Variants in LRRC28 observed in about 807,000 individuals in gnomAD.
The protein encoded by LRRC28 is leucine rich repeat containing 28.
LRRC28 carries 39 observed loss-of-function variants against 45.7 expected under a neutral mutation model. The ratio of observed to expected loss-of-function variants is 0.85; its 90% confidence interval spans 0.66 to 1.12. LRRC28 has a LOEUF of 1.12. Ranked by LOEUF, LRRC28 falls within the 50% of genes most tolerant of loss-of-function variation. LRRC28 has a pLI of 0.00. For synonymous variants in LRRC28, 206 were observed against 178.8 expected, an observed-to-expected ratio of 1.15 and a Z score of -1.22; for missense variants, 435 against 438.5, an observed-to-expected ratio of 0.99 and a Z score of 0.07.
chr15:99,362,573 A>C (rs1056415481), intron 8 of LRRC28, among the ~76,000 whole-genome samples: 2 of 152,216 alleles, frequency 1.3e-5, no homozygotes, highest in South Asian at 2.1e-4. Context: ...GCTTTTATTA[A>C]TGACAGCTTA....
intron 5 of LRRC28, among the ~76,000 whole-genome samples, chr15:99,333,186 T>G (rs1956212592): frequency 6.6e-6 from 1 of 152,170 alleles, no homozygotes; most frequent in Non-Finnish European, 1.5e-5. Context: ...AAGTCTTAAG[T>G]GATTTGATGT....
chr15:99,339,091 T>G (rs191660270), intron 6 of LRRC28, among the ~76,000 whole-genome samples: 2 of 135,716 alleles, frequency 1.5e-5, no homozygotes, highest in East Asian at 4.0e-4. Flanking sequence ...CTCTGTTAAC[T>G]AACTCAGAGA....
chr15:99,347,472 G>T (rs1371965087), intron 6 of LRRC28, among the ~76,000 whole-genome samples: 1 of 152,204 alleles, frequency 6.6e-6, no homozygotes, highest in Non-Finnish European at 1.5e-5. Flanking sequence ...CTCCCAAAGT[G>T]CTGGGATTAC....
At chr15:99,258,370 C>A in intron 2 of LRRC28, 2 of 1,209,702 alleles carry the variant, frequency 1.7e-6, no homozygotes, top group Non-Finnish European at 2.5e-6. Context: ...TTACCCTTGT[C>A]TTAAAAGAAA....
At chr15:99,285,382 C>G in intron 3 of LRRC28, 1 of 743,712 alleles carries the variant, frequency 1.3e-6, no homozygotes, top group Non-Finnish European at 2.5e-6. Flanking sequence ...CATCCACCTC[C>G]TCCGCAGTGG....
chr15:99,260,183 A>G (rs2081156099), intron 2 of LRRC28, among the ~76,000 whole-genome samples: 1 of 151,926 alleles, frequency 6.6e-6, no homozygotes, highest in African/African-American at 2.4e-5. Context: ...TTTTTAGTTG[A>G]TTTTTTTTAA....
chr15:99,335,458 G>A (rs1956290947), intron 6 of LRRC28, among the ~76,000 whole-genome samples: 1 of 152,186 alleles, frequency 6.6e-6, no homozygotes, highest in South Asian at 2.1e-4. Context: ...TCTCAAATGA[G>A]AAGATACAAC....
At chr15:99,373,247 C>G (rs1957534355) in intron 9 of LRRC28, among the ~76,000 whole-genome samples, 1 of 151,980 alleles carries the variant, frequency 6.6e-6, no homozygotes, top group African/African-American at 2.4e-5. Context: ...TCAGCGAATC[C>G]CCCAAAATGC....
chr15:99,341,382 G>A lies in LRRC28; in HGVS notation c.592+7253G>A, dbSNP rs955337275. Among the ~76,000 whole-genome samples the A allele has an allele frequency of 7.9e-5, 12 of 152,188 alleles. 1 individual carries two copies. In the South Asian group the frequency reaches 1.5e-3, roughly 18 times the overall value. ...GCTGGGATTACAGGCGTGAGCCACCGCGCCCGGCCTGTTCTGCTGTCTTCT... is the reference window on the plus strand; with the variant it reads ...GCTGGGATTACAGGCGTGAGCCACCACGCCCGGCCTGTTCTGCTGTCTTCT... On this transcript the variant is annotated intron_variant, in intron 6 of 9. Coordinates refer to ENST00000301981, the MANE Select transcript of LRRC28 (RefSeq NM_144598.5).
intron 6 of LRRC28, among the ~76,000 whole-genome samples, chr15:99,342,140 A>C (rs1371304036): frequency 6.6e-6 from 1 of 152,218 alleles, no homozygotes; most frequent in Non-Finnish European, 1.5e-5. Context: ...CTAGCCTACC[A>C]GTTTTCTAGA....
intron 9 of LRRC28, among the ~76,000 whole-genome samples, chr15:99,367,413 G>A (rs761527141): frequency 6.6e-6 from 1 of 152,120 alleles, no homozygotes; most frequent in Non-Finnish European, 1.5e-5. Flanking sequence ...ATCATAACAT[G>A]TCAGAAGGGC....
intron 3 of LRRC28, chr15:99,286,971 G>A (rs1217054492): frequency 8.2e-6 from 2 of 244,330 alleles, no homozygotes; most frequent in Non-Finnish European, 1.6e-5. Context: ...TTTGTGTTAT[G>A]AAGTTAAAAA....
chr15:99,295,036 T>G (rs180950606), intron 5 of LRRC28, among the ~76,000 whole-genome samples: 1 of 152,240 alleles, frequency 6.6e-6, no homozygotes, highest in Non-Finnish European at 1.5e-5. Context: ...GGATTGTAGT[T>G]CTGGGTCACC....
chr15:99,386,242 T>C lies in LRRC28; in HGVS notation c.*140T>C. The C allele has an allele frequency of 1.5e-6, 1 of 673,500 alleles. No individual in the cohort carries two copies. The allele number at this position is 673,500 out of a possible 1,614,324, so 41.7% of individuals were successfully genotyped here. On this transcript the variant is annotated 3_prime_UTR_variant, in exon 10 of 10. Coordinates refer to ENST00000301981, the MANE Select transcript of LRRC28 (RefSeq NM_144598.5). ...AAATGTCATGATTGAGCTTCAGAGC[T>C]AAAATGCCTTCACCCTTCCCCCAAG...
chr15:99,287,398 C>A, intron 4 of LRRC28, 104 bp downstream of exon 4: 1 of 854,132 alleles, frequency 1.2e-6, no homozygotes, highest in Non-Finnish European at 1.7e-6. Context: ...TTTTTAGCTT[C>A]AAAACTTTTT....
rs1383361976 is a variant in LRRC28, at chr15:99,388,707, T to A, written c.*2605T>A. Reference sequence around the variant, plus strand: ...TCTGAAGTTATTATATATGTTGTTTTCTTGAGCAACAGTTACACTAGGTAG... The same window carrying A: ...TCTGAAGTTATTATATATGTTGTTTACTTGAGCAACAGTTACACTAGGTAG... On this transcript the variant is annotated 3_prime_UTR_variant, in exon 10 of 10. Transcript: ENST00000301981. The A allele has an allele frequency of 6.6e-6, 1 of 152,260 alleles. No individual in the cohort carries two copies. Among genetic ancestry groups the A allele is most frequent in the Non-Finnish European group, 1.5e-5 (1 of 68,042 alleles). 9.4% of individuals were successfully genotyped at this position (152,260 alleles called of 1,614,324 possible).
intron 5 of LRRC28, among the ~76,000 whole-genome samples, chr15:99,291,755 T>A (rs1222365091): frequency 6.6e-6 from 1 of 152,226 alleles, no homozygotes; most frequent in African/African-American, 2.4e-5. Flanking sequence ...GCCAGTTAGT[T>A]TTCAAAGTGG....
At chr15:99,365,392 G>C (rs927920980) in intron 9 of LRRC28, among the ~76,000 whole-genome samples, 1 of 152,220 alleles carries the variant, frequency 6.6e-6, no homozygotes, top group Non-Finnish European at 1.5e-5. Context: ...TACAAACATG[G>C]CTTTCTGTGG....
Position 99,334,014 on chromosome 15 carries a change from G to A in LRRC28, c.477G>A (p.Leu159=). ...LPERLHMCLS[L]QYLTVDRNRL... is the part of the protein sequence containing the mutation. ...AGAGGCTTCACATGTGCCTTTCTCT[G>A]CAGTACCTCACTGTGGACCGAAATC... is the stretch of plus-strand genomic sequence containing the variant. Residue 159 remains leucine (L), a synonymous_variant, in exon 6 of 10, where the codon CTG becomes CTA. Coordinates refer to ENST00000301981, the MANE Select transcript of LRRC28 (RefSeq NM_144598.5). 1 of 1,614,136 alleles carries A rather than the reference G, an allele frequency of 6.2e-7. No homozygotes were observed. The highest frequency in any genetic ancestry group is 8.5e-7 in the Non-Finnish European group (1 of 1,180,016).
Sources: allele counts gnomAD v4.1 joint callset (sites outside exome capture counted in the v4.1 genomes callset), GRCh38; gene constraint gnomAD v4.1.1; transcripts MANE v1.5; gene names NCBI Gene and HGNC (gene_info 2026-07-23, HGNC 2026-07-21).